The following SOX6 variants were observed in gnomAD, a reference collection of about 807,000 sequenced individuals.
SOX6 encodes SRY-box transcription factor 6, also known as transcription factor SOX-6.
Under a neutral mutation model 97.8 loss-of-function variants are expected in SOX6, and 11 were observed. The observed-to-expected ratio is 0.11, with a 90% CI of 0.07 to 0.19. SOX6 has a LOEUF of 0.19. Among genes scored for constraint, SOX6 ranks in the 10% least tolerant of loss-of-function variants. SOX6 has a pLI of 1.00. For synonymous variants in SOX6, 360 were observed against 371.4 expected (o/e 0.97, Z 0.35); for missense variants, 810 against 1,039.5 (o/e 0.78, Z 3.04).
At chr11:16,696,213 G>C (rs1271713142) in intron 3 of SOX6, among the ~76,000 whole-genome samples, 1 of 152,104 alleles carries the variant, frequency 6.6e-6, no homozygotes, top group African/African-American at 2.4e-5. Flanking sequence ...CACAAATGGT[G>C]GTTCAACAAA....
intron 4 of SOX6, among the ~76,000 whole-genome samples, chr11:16,513,108 T>C (rs562063478): frequency 6.6e-6 from 1 of 152,176 alleles, no homozygotes; most frequent in Non-Finnish European, 1.5e-5. Flanking sequence ...CAACACATTG[T>C]TAGGTTAGAA....
chr11:16,442,645 T>C (rs752030724), intron 1 of SOX6, among the ~76,000 whole-genome samples: 5 of 152,152 alleles, frequency 3.3e-5, no homozygotes, highest in Non-Finnish European at 7.4e-5. Flanking sequence ...TAGCAAATTA[T>C]TGGCTAGCAA....
chr11:16,027,996 G>A (rs1003103025), intron 12 of SOX6, among the ~76,000 whole-genome samples: 10 of 152,184 alleles, frequency 6.6e-5, no homozygotes, highest in Non-Finnish European at 1.5e-4. Flanking sequence ...TATAGAACAG[G>A]AACATGCAAC....
chr11:16,610,247 G>A lies in SOX6; in HGVS notation n.609+1834C>T, dbSNP rs1157017120. Among the ~76,000 whole-genome samples the A allele has an allele frequency of 6.6e-6, 1 of 152,252 alleles. No individual in the cohort carries two copies. The highest frequency in any genetic ancestry group is 2.4e-5 in the African/African-American group (1 of 41,474). On this transcript the variant is annotated intron_variant and non_coding_transcript_variant, in intron 4 of 5. Coordinates refer to the SOX6 transcript ENST00000524520. This position sits in a 1 kb window ranked among gnomAD's most constrained non-coding sequence, Gnocchi z 4.4. ...CTGTCCTAAATGCCTGCAGAGAGGA[G>A]ACAGGTGTAGATTAAGTCTCAAAGA...
chr11:16,088,535 T>C (rs555502423), intron 9 of SOX6, among the ~76,000 whole-genome samples: 1 of 152,280 alleles, frequency 6.6e-6, no homozygotes, highest in South Asian at 2.1e-4. Flanking sequence ...TTCCAGAATG[T>C]CACATAGTTG....
chr11:16,125,330 T>G (rs148531027), intron 6 of SOX6, among the ~76,000 whole-genome samples: 2 of 152,246 alleles, frequency 1.3e-5, no homozygotes, highest in East Asian at 3.9e-4. Flanking sequence ...TGTAAATTCT[T>G]AGTTCAGTCT....
At chr11:16,317,629 T>C (rs1216177745) in intron 3 of SOX6, 2 of 153,264 alleles carry the variant, frequency 1.3e-5, no homozygotes, top group Non-Finnish European at 2.9e-5. Flanking sequence ...GGAATAAAAT[T>C]AAGTTACATG....
At chr11:16,673,166 A>C (rs181614712) in intron 3 of SOX6, among the ~76,000 whole-genome samples, 32 of 152,324 alleles carry the variant, frequency 2.1e-4, no homozygotes, top group South Asian at 8.3e-4. Flanking sequence ...CATTTTAAAA[A>C]GAGAAAAACT....
At chr11:16,022,602 G>A (rs190320804) in intron 12 of SOX6, among the ~76,000 whole-genome samples, 66 of 152,066 alleles carry the variant, frequency 4.3e-4, no homozygotes, top group African/African-American at 1.5e-3. Flanking sequence ...TAGCAGAGAC[G>A]GGGTTTCACC....
At chr11:16,501,580 C>T (rs1860710177) in intron 4 of SOX6, among the ~76,000 whole-genome samples, 1 of 151,740 alleles carries the variant, frequency 6.6e-6, no homozygotes, top group Admixed American at 6.6e-5. Flanking sequence ...GGGCTAATAT[C>T]CAGGATCTAG....
chr11:16,365,947 G>A (rs1254055632), intron 1 of SOX6, among the ~76,000 whole-genome samples: 1 of 152,130 alleles, frequency 6.6e-6, no homozygotes, highest in Non-Finnish European at 1.5e-5. Context: ...ACAGACATGA[G>A]ATCACAGCTT....
chr11:16,614,735 T>C (rs1848448762), intron 3 of SOX6, among the ~76,000 whole-genome samples: 1 of 152,210 alleles, frequency 6.6e-6, no homozygotes, highest in African/African-American at 2.4e-5. Flanking sequence ...CCGTAGGTCC[T>C]CCTCGGTGAA....
At chr11:16,153,068 T>G (rs1035782088) in intron 6 of SOX6, among the ~76,000 whole-genome samples, 2 of 152,216 alleles carry the variant, frequency 1.3e-5, no homozygotes, top group Non-Finnish European at 2.9e-5. Context: ...GGTTTCACCA[T>G]GTTGGCCAGG....
chr11:16,411,375 A>C (rs891413783), intron 1 of SOX6, among the ~76,000 whole-genome samples: 1 of 152,134 alleles, frequency 6.6e-6, no homozygotes, highest in Non-Finnish European at 1.5e-5. Flanking sequence ...CACCCAAGGG[A>C]CTTAAATCTG....
chr11:16,336,522 C>G (rs560545604), intron 2 of SOX6, among the ~76,000 whole-genome samples: 11 of 152,294 alleles, frequency 7.2e-5, no homozygotes, highest in South Asian at 6.2e-4. Flanking sequence ...ATCAATCAAA[C>G]TCTCACCTGC....
chr11:16,692,670 T>A (rs1321182084), intron 3 of SOX6, among the ~76,000 whole-genome samples: 9 of 152,190 alleles, frequency 5.9e-5, no homozygotes, highest in Non-Finnish European at 8.8e-5. Flanking sequence ...ATAAGGGTTC[T>A]CCCCAAAAGG....
At chr11:16,103,111 C>T (rs977044299) in intron 7 of SOX6, among the ~76,000 whole-genome samples, 5 of 151,778 alleles carry the variant, frequency 3.3e-5, no homozygotes, top group Admixed American at 3.3e-4. Context: ...GGGAGAGAAT[C>T]TTCGCAATCT....
chr11:16,407,663 T>C (rs1752372961), intron 1 of SOX6, among the ~76,000 whole-genome samples: 1 of 152,102 alleles, frequency 6.6e-6, no homozygotes, highest in Admixed American at 6.6e-5. Flanking sequence ...ATTATCCCTC[T>C]GAGCAATTAA....
At chr11:16,636,701 G>A (rs1262535489) in intron 3 of SOX6, among the ~76,000 whole-genome samples, 2 of 152,180 alleles carry the variant, frequency 1.3e-5, no homozygotes, top group East Asian at 1.9e-4. Context: ...TGTTGTGGGA[G>A]GGACCTGGTG....
Sources: allele counts gnomAD v4.1 joint callset (sites outside exome capture counted in the v4.1 genomes callset), GRCh38; gene constraint gnomAD v4.1.1; non-coding constraint Gnocchi (gnomAD v3.1); transcripts MANE v1.5; gene names NCBI Gene and HGNC (gene_info 2026-07-23, HGNC 2026-07-21).